KRT80: variants seen among roughly 807,000 people sequenced by gnomAD.
KRT80 encodes the protein keratin 80.
In KRT80, 36 loss-of-function variants were observed where a neutral mutation model predicts 51.5. The ratio of observed to expected loss-of-function variants is 0.70; its 90% CI spans 0.54 to 0.92. The LOEUF (loss-of-function observed/expected upper bound fraction) is 0.92, where lower values mean the gene tolerates loss of function less well. Ranked by LOEUF, KRT80 falls within the 40% of genes least tolerant of loss-of-function variation. KRT80 has a pLI of 0.00. For missense variants in KRT80, 566 were observed against 591.7 expected (o/e 0.96, Z 0.45); for synonymous variants, 235 against 248.3 (o/e 0.95, Z 0.50).
At chr12:52,185,156 G>A (rs975854391) in intron 2 of KRT80, among the ~76,000 whole-genome samples, 58 of 152,188 alleles carry the variant, frequency 3.8e-4, no homozygotes, top group African/African-American at 1.3e-3. Flanking sequence ...GATTGACTTT[G>A]TTTTAAGGGT....
intron 4 of KRT80, among the ~76,000 whole-genome samples, chr12:52,179,100 A>T (rs1941280196): frequency 6.6e-6 from 1 of 152,230 alleles, no homozygotes; most frequent in Non-Finnish European, 1.5e-5. Context: ...GTGAGCAGGT[A>T]GAGAAACACT....
At chr12:52,176,536 T>C (rs1425221683) in intron 4 of KRT80, among the ~76,000 whole-genome samples, 2 of 151,186 alleles carry the variant, frequency 1.3e-5, no homozygotes, top group African/African-American at 4.9e-5. Flanking sequence ...GGTTGGAGTG[T>C]GGTGGCGCAA....
At position 52,172,422 on chromosome 12, in the gene KRT80, C is replaced by A. The variant is rs761494367; in HGVS notation, c.958-4G>T. On this transcript the variant is annotated splice_polypyrimidine_tract_variant and splice_region_variant and intron_variant, in intron 6 of 8. Transcript: ENST00000394815. ...TGTTCTCCTCCAGTTTCAGGCACTG[C>A]AGCCAGGAGGACAGAGTGAAAGGGC... 2 of 1,609,366 alleles carry A rather than the reference C, an allele frequency of 1.2e-6. No individual in the cohort carries two copies. The highest frequency in any genetic ancestry group is 2.2e-5 in the South Asian group (2 of 90,530).
intron 4 of KRT80, among the ~76,000 whole-genome samples, chr12:52,177,765 C>T (rs1941256321): frequency 6.6e-6 from 1 of 151,844 alleles, no homozygotes; most frequent in Non-Finnish European, 1.5e-5. Flanking sequence ...GTGTCTGCTC[C>T]AAAGCTGAAA....
intron 1 of KRT80, among the ~76,000 whole-genome samples, chr12:52,190,150 G>A (rs746940798): frequency 1.3e-5 from 2 of 152,110 alleles, no homozygotes; most frequent in Non-Finnish European, 2.9e-5. Flanking sequence ...CTTCCCCTCT[G>A]GGTACCCAGG....
chr12:52,187,505 G>A (rs1941424377), intron 1 of KRT80, among the ~76,000 whole-genome samples: 2 of 152,216 alleles, frequency 1.3e-5, no homozygotes, highest in African/African-American at 4.8e-5. Flanking sequence ...CTCTCTCTCT[G>A]CTCTGCTTCT....
At chr12:52,171,567 T>C in intron 8 of KRT80, 45 bp from the exon 9 acceptor site, 3 of 1,613,408 alleles carry the variant, frequency 1.9e-6, no homozygotes, top group Non-Finnish European at 2.5e-6. Context: ...GCTGGAGGTT[T>C]GGGAGCCACT....
rs1187065572 is a variant in KRT80, at chr12:52,173,681, G to A, written c.750C>T (p.Gly250=). ...ACTGGGCCTTCACCTCCTCCACGAT[G>A]CCGCTCAGGTCGATGTGGCAGCGGC... ...MDSRCHIDLS[G]IVEEVKAQYD... The change falls in exon 5 of 9, where the codon GGC becomes GGT. Residue 250 remains glycine, a synonymous_variant. Transcript: ENST00000394815. 6.2e-7 allele frequency: 1 copy of A among 1,613,028 alleles called. No individual in the cohort carries two copies. Among genetic ancestry groups the A allele is most frequent in the Admixed American group, 1.7e-5 (1 of 60,026 alleles).
At chr12:52,183,040 C>A (rs530299200) in intron 2 of KRT80, among the ~76,000 whole-genome samples, 3 of 152,216 alleles carry the variant, frequency 2.0e-5, no homozygotes, top group African/African-American at 7.2e-5. Context: ...CCCTATCCAC[C>A]GCCTGAATCA....
At chr12:52,181,962 GCAGGGCTGCGT>G (rs1289110532) in intron 2 of KRT80, among the ~76,000 whole-genome samples, 1 of 152,222 alleles carries the variant, frequency 6.6e-6, no homozygotes, top group Non-Finnish European at 1.5e-5. Context: ...TAGCCTCCCA[GCAGGGCTGCGT>G]CACTCATCAC....
intron 4 of KRT80, among the ~76,000 whole-genome samples, chr12:52,176,631 G>A (rs1451434631): frequency 4.6e-5 from 7 of 152,074 alleles, no homozygotes; most frequent in South Asian, 2.1e-4. Context: ...ACAGGCATGC[G>A]CCACCTCACC....
chr12:52,190,506 G>A (rs1026691793), intron 1 of KRT80, among the ~76,000 whole-genome samples: 2 of 152,240 alleles, frequency 1.3e-5, no homozygotes, highest in African/African-American at 2.4e-5. Flanking sequence ...ACCTCATGGG[G>A]GAGACCAGCA....
chr12:52,185,750 G>A, intron 1 of KRT80, 163 bp from the exon 2 acceptor site: 1 of 1,419,202 alleles, frequency 7.0e-7, no homozygotes, highest in Non-Finnish European at 9.5e-7. Flanking sequence ...TCCAATGACT[G>A]ATTGTTAAAA....
At chr12:52,171,548 A>G (rs1288823136) in intron 8 of KRT80, 26 bp from the exon 9 acceptor site, 1 of 1,613,458 alleles carries the variant, frequency 6.2e-7, no homozygotes, top group Non-Finnish European at 8.5e-7. Flanking sequence ...GGGGTAGGGG[A>G]GGGAAGGGGC....
At chr12:52,183,443 T>C (rs543007331) in intron 2 of KRT80, among the ~76,000 whole-genome samples, 37 of 152,328 alleles carry the variant, frequency 2.4e-4, no homozygotes, top group African/African-American at 7.9e-4. Flanking sequence ...TGGCCTGGCG[T>C]CTCCTGGCTC....
chr12:52,181,506 C>A (rs916884967), intron 2 of KRT80, among the ~76,000 whole-genome samples: 9 of 152,016 alleles, frequency 5.9e-5, no homozygotes, highest in African/African-American at 2.2e-4. Context: ...TCAGAGGGAC[C>A]CCCAGTGTGT....
At chr12:52,184,368 C>G (rs1268200314) in intron 2 of KRT80, among the ~76,000 whole-genome samples, 1 of 152,220 alleles carries the variant, frequency 6.6e-6, no homozygotes, top group African/African-American at 2.4e-5. Flanking sequence ...GCCCTGCCCA[C>G]TACCTGACCA....
chr12:52,171,850 T>C, intron 7 of KRT80, 137 bp from the exon 8 acceptor site: 1 of 667,752 alleles, frequency 1.5e-6, no homozygotes, highest in Non-Finnish European at 2.6e-6. Flanking sequence ...TGCCCTGTTG[T>C]GTGGCCCTGG....
At chr12:52,186,118 G>A (rs1941400663) in intron 1 of KRT80, among the ~76,000 whole-genome samples, 2 of 151,950 alleles carry the variant, frequency 1.3e-5, no homozygotes, top group Admixed American at 6.6e-5. Flanking sequence ...ACACCTGCCT[G>A]CGCGGTCCTC....
Sources: gnomAD v4.1 joint callset for allele counts (sites outside exome capture counted in the v4.1 genomes callset) on GRCh38, gnomAD v4.1.1 for gene constraint, MANE v1.5 for transcripts, NCBI Gene and HGNC (gene_info 2026-07-23, HGNC 2026-07-21) for gene names.